The following NOTCH3 variants were observed in gnomAD, a reference collection of about 807,000 sequenced individuals.
NOTCH3 encodes neurogenic locus notch homolog protein 3.
In NOTCH3, 86 loss-of-function variants were observed where a neutral mutation model predicts 213.3. The observed-to-expected ratio is 0.40, with a 90% confidence interval of 0.34 to 0.48. The LOEUF is 0.48. NOTCH3 is among the 20% of genes least tolerant of loss of function. The pLI is 0.57. For synonymous variants in NOTCH3, 1,354 were observed against 1,355.9 expected (o/e 1.00, Z 0.03); for missense variants, 2,783 against 3,272.6 (o/e 0.85, Z 3.65).
intron 25 of NOTCH3, among the ~76,000 whole-genome samples, chr19:15,171,342 GTTGT>G (rs147924638): frequency 0.11 from 17,307 of 151,880 alleles, 3,005 homozygotes; most frequent in African/African-American, 0.38. Context: ...TGTTTTTTTT[GTTGT>G]TTGTTTGTTC....
rs1287854527 is a variant in NOTCH3, at chr19:15,161,522, G to C, written c.6106C>G (p.Pro2036Ala). 1 of 1,599,026 alleles carries C rather than the reference G, an allele frequency of 6.3e-7. No individual in the cohort carries two copies. The highest frequency in any genetic ancestry group is 1.7e-5 in the Admixed American group (1 of 57,668). Residue 2036 changes from proline to alanine, a missense_variant, in exon 33 of 33, where the codon CCC becomes GCC. Coordinates refer to ENST00000263388, the MANE Select transcript of NOTCH3 (RefSeq NM_000435.3). ...CAGAGCAGAGGCCCCAGGCCGTGGG[G>C]ACCGGGGGGGCTGCGGGGCCCACTG... ...QPSGPRSPPG[P>A]HGLGPLLCPP...
intron 1 of NOTCH3, among the ~76,000 whole-genome samples, chr19:15,200,579 G>A (rs1463543669): frequency 6.6e-6 from 1 of 151,880 alleles, no homozygotes; most frequent in African/African-American, 2.4e-5. Flanking sequence ...AGCTCTAATC[G>A]CTCAAGGGTC....
intron 24 of NOTCH3, among the ~76,000 whole-genome samples, chr19:15,175,565 A>G (rs1360163243): frequency 8.2e-5 from 5 of 60,662 alleles, no homozygotes. Flanking sequence ...ACATATATAT[A>G]TATATATATG....
intron 28 of NOTCH3, among the ~76,000 whole-genome samples, chr19:15,168,891 A>C (rs2046707006): frequency 6.6e-6 from 1 of 152,008 alleles, no homozygotes; most frequent in South Asian, 2.1e-4. Flanking sequence ...ATAATATATA[A>C]AATTTCCATG....
At position 15,197,523 on chromosome 19, in the gene NOTCH3, C is replaced by T. The variant is rs1332382910; in HGVS notation, c.174G>A (p.Leu58=). Residue 58 remains leucine, a synonymous_variant, in exon 2 of 33, where the codon CTG becomes CTA. Coordinates refer to ENST00000263388, the MANE Select transcript of NOTCH3 (RefSeq NM_000435.3). The stretch of plus-strand genomic sequence containing the variant: ...ACAGGCAGGCAGCCTCCCGGGAGGG[C>T]AGCTGGGTGCAACGACCTCCATTTG... ...PCANGGRCTQ[L]PSREAACLCP... 6.6e-7 allele frequency: 1 copy of T among 1,514,584 alleles called. No individual in the cohort carries two copies. Among genetic ancestry groups the T allele is most frequent in the Non-Finnish European group, 8.9e-7 (1 of 1,121,068 alleles). 93.8% of individuals were successfully genotyped at this position (1,514,584 alleles called of 1,614,324 possible).
chr19:15,170,264 G>A (rs2046720540), intron 27 of NOTCH3, 67 bp downstream of exon 27: 2 of 1,539,340 alleles, frequency 1.3e-6, no homozygotes, highest in East Asian at 2.3e-5. Context: ...TCTGAGTCAG[G>A]TCAAGGCGGG....
chr19:15,165,666 C>A lies in NOTCH3; in HGVS notation c.5667+121G>T. On this transcript the variant is annotated intron_variant, in intron 30 of 32. Transcript: ENST00000263388. This position sits in a 1 kb window ranked among gnomAD's most constrained non-coding sequence, Gnocchi z 4.7. The stretch of plus-strand genomic sequence containing the variant: ...GCAGCTGCTTGACAGATACTGTATT[C>A]CCATATATCCCCATTTTCCAAATGA... 8.0e-7 allele frequency: 1 copy of A among 1,247,046 alleles called. No individual in the cohort carries two copies. Among genetic ancestry groups the A allele is most frequent in the Non-Finnish European group, 1.1e-6 (1 of 905,448 alleles). The allele number at this position is 1,247,046 out of a possible 1,614,324, so 77.2% of individuals were successfully genotyped here. A position where few individuals can be genotyped will look rare whatever the true frequency, so the allele number is the denominator to read the frequency against.
rs1421034016 is a variant in NOTCH3 at position 15,178,957 on chromosome 19, C to G, written c.3719-16G>C. 6.2e-7 allele frequency: 1 copy of G among 1,614,050 alleles called. No individual in the cohort carries two copies. The highest frequency in any genetic ancestry group is 1.1e-5 in the South Asian group (1 of 91,084). Reference sequence around the variant, plus strand: ...CAGCGAGGACCTGAGCGAGCGGGAGCATGTAGATCAGCCACAATGGGGGAA... The same window carrying G: ...CAGCGAGGACCTGAGCGAGCGGGAGGATGTAGATCAGCCACAATGGGGGAA... On this transcript the variant is annotated splice_polypyrimidine_tract_variant and intron_variant, in intron 22 of 32. Transcript: ENST00000263388.
chr19:15,172,473 AC>A (rs1429027435), intron 25 of NOTCH3, among the ~76,000 whole-genome samples: 2 of 151,642 alleles, frequency 1.3e-5, no homozygotes. Flanking sequence ...GGGCTGGTAC[AC>A]CAACCACTCT....
At chr19:15,171,742 C>T (rs1346984600) in intron 25 of NOTCH3, among the ~76,000 whole-genome samples, 1 of 152,222 alleles carries the variant, frequency 6.6e-6, no homozygotes, top group African/African-American at 2.4e-5. Context: ...GCAATCTCAG[C>T]TCACTGCAAC....
At position 15,165,262 on chromosome 19, in the gene NOTCH3, A is replaced by G. The variant is rs2046676044; in HGVS notation, c.5815+106T>C. ...CATGAAGCCTGGTTATGTGTGCGTGAGCTTCAGTGATTGGGTCTCAACATG... is the reference window on the plus strand; with the variant it reads ...CATGAAGCCTGGTTATGTGTGCGTGGGCTTCAGTGATTGGGTCTCAACATG... On this transcript the variant is annotated intron_variant, in intron 31 of 32. Coordinates refer to ENST00000263388, the MANE Select transcript of NOTCH3 (RefSeq NM_000435.3). The surrounding 1 kb of genome is among the most constrained non-coding windows in gnomAD (Gnocchi z 4.7). The G allele has an allele frequency of 1.7e-6, 2 of 1,187,588 alleles. No homozygotes were observed. The highest frequency in any genetic ancestry group is 2.4e-5 in the South Asian group (2 of 81,902). 73.6% of individuals were successfully genotyped at this position (1,187,588 alleles called of 1,614,324 possible).
At position 15,178,067 on chromosome 19, in the gene NOTCH3, C is replaced by T; in HGVS notation, c.3861G>A (p.Glu1287=). 6.6e-7 allele frequency: 1 copy of T among 1,520,164 alleles called. No individual in the cohort carries two copies. The highest frequency in any genetic ancestry group is 8.8e-7 in the Non-Finnish European group (1 of 1,139,634). 94.2% of individuals were successfully genotyped at this position (1,520,164 alleles called of 1,614,324 possible). The change falls in exon 24 of 33, where the codon GAG becomes GAA. Residue 1287 remains glutamate, a synonymous_variant. Transcript: ENST00000263388. ...GCTCCCGGCAGGAGCGCGCCACCCG[C>T]TCGCAACGCGGACCCCAGAACGGCT... is the stretch of plus-strand genomic sequence containing the variant. The part of the protein sequence containing the change: ...CAQPFWGPRC[E]RVARSCRELQ...
At chr19:15,174,937 G>A (rs2046775455) in intron 24 of NOTCH3, among the ~76,000 whole-genome samples, 1 of 152,098 alleles carries the variant, frequency 6.6e-6, no homozygotes, top group African/African-American at 2.4e-5. Context: ...CCACGCCGGA[G>A]TGCAGTGGTG....
At position 15,181,724 on chromosome 19, in the gene NOTCH3, G is replaced by A. The variant is rs1042026410; in HGVS notation, c.2644C>T (p.Pro882Ser). The change falls in exon 17 of 33, where the codon CCA becomes TCA. Residue 882 changes from proline (P) to serine (S), a missense_variant. By Grantham distance (74) the Pro-to-Ser change is moderately conservative (BLOSUM62 -1). Coordinates refer to ENST00000263388, the MANE Select transcript of NOTCH3 (RefSeq NM_000435.3). ...TCATCCACATCGCGGGCGCATCGTG[G>A]GCCGGCGAAACCAGGGAGGCAGGAG... ...SCSCLPGFAG[P>S]RCARDVDECL... 5 of 1,571,882 alleles carry A rather than the reference G, an allele frequency of 3.2e-6. No individual in the cohort carries two copies. The South Asian group carries it at 3.5e-5, about 11-fold the overall frequency.
intron 2 of NOTCH3, among the ~76,000 whole-genome samples, chr19:15,193,777 AAAC>A (rs1240898584): frequency 1.7e-5 from 2 of 115,910 alleles, no homozygotes; most frequent in Admixed American, 8.5e-5. Flanking sequence ...TCTCAAAAAA[AAAC>A]AAAAAACAAA....
rs2145381161 is a variant in NOTCH3, at chr19:15,161,123, G to A, written c.6505C>T (p.Pro2169Ser). ...SLGLLNPVAV[P>S]LDWARLPPPA... ...GGGGGCAGCCGGGCCCAATCGAGGG[G>A]CACAGCCACAGGGTTCAGCAGGCCC... is the stretch of plus-strand genomic sequence containing the variant. The change falls in exon 33 of 33, where the codon CCC (proline) becomes TCC (serine). Residue 2169 changes from proline to serine, a missense_variant. Pro to Ser is a moderately conservative substitution (Grantham distance 74). Coordinates refer to ENST00000263388, the MANE Select transcript of NOTCH3 (RefSeq NM_000435.3). The A allele has an allele frequency of 6.5e-7, 1 of 1,539,888 alleles. No individual in the cohort carries two copies. The highest frequency in any genetic ancestry group is 8.7e-7 in the Non-Finnish European group (1 of 1,148,900).
Position 15,181,075 on chromosome 19 carries a change from T to C in NOTCH3, c.2880A>G (p.Gln960=). ...GCGAGAGGCAGGGGTCTGCCTCATG[T>C]TGGCAGTGGGCTCCTGTGTAGCCGG... is the stretch of plus-strand genomic sequence containing the variant. ...CRPGYTGAHC[Q]HEADPCLSRP... is the part of the protein sequence containing the mutation. The change falls in exon 18 of 33, where the codon CAA becomes CAG. Residue 960 remains glutamine, a synonymous_variant. Coordinates refer to ENST00000263388, the MANE Select transcript of NOTCH3 (RefSeq NM_000435.3). The C allele has an allele frequency of 6.2e-7, 1 of 1,609,388 alleles. No homozygotes were observed. The highest frequency in any genetic ancestry group is 8.5e-7 in the Non-Finnish European group (1 of 1,178,530).
chr19:15,161,507 G>A lies in NOTCH3; in HGVS notation c.6121C>T (p.Pro2041Ser), dbSNP rs1418688974. 6.3e-7 allele frequency: 1 copy of A among 1,589,612 alleles called. No homozygotes were observed. Among genetic ancestry groups the A allele is most frequent in the Non-Finnish European group, 8.6e-7 (1 of 1,168,268 alleles). ...AAGGCCCCTGGAGGACAGAGCAGAG[G>A]CCCCAGGCCGTGGGGACCGGGGGGG... The part of the protein sequence containing the change: ...RSPPGPHGLG[P>S]LLCPPGAFLP... Residue 2041 changes from proline (P) to serine (S), a missense_variant, in exon 33 of 33, where the codon CCT becomes TCT. Physicochemically the swap from Pro to Ser is moderately conservative, Grantham distance 74. Coordinates refer to ENST00000263388, the MANE Select transcript of NOTCH3 (RefSeq NM_000435.3).
chr19:15,165,573 G>C lies in NOTCH3; in HGVS notation c.5668-58C>G. 6.3e-7 allele frequency: 1 copy of C among 1,584,676 alleles called. No homozygotes were observed. ...CATGGCAGGAACAGAGGAATCAGGAGCACCCCTAAGTCCCATGAAGTCCCC... is the reference window on the plus strand; with the variant it reads ...CATGGCAGGAACAGAGGAATCAGGACCACCCCTAAGTCCCATGAAGTCCCC... On this transcript the variant is annotated intron_variant, in intron 30 of 32. Coordinates refer to ENST00000263388, the MANE Select transcript of NOTCH3 (RefSeq NM_000435.3). The surrounding 1 kb of genome is among the most constrained non-coding windows in gnomAD (Gnocchi z 4.7).
Sources: gnomAD v4.1 joint callset for allele counts (sites outside exome capture counted in the v4.1 genomes callset) on GRCh38, gnomAD v4.1.1 for gene constraint, Gnocchi (gnomAD v3.1) non-coding constraint, MANE v1.5 for transcripts, NCBI Gene and HGNC (gene_info 2026-07-23, HGNC 2026-07-21) for gene names.